CNTN6: variants seen among roughly 807,000 people sequenced by gnomAD.
The protein encoded by CNTN6 is contactin 6, also known as contactin-6.
Under a neutral mutation model 122.8 loss-of-function variants are expected in CNTN6, and 137 were observed. The observed-to-expected ratio is 1.12, with a 90% CI of 0.97 to 1.29. The LOEUF (loss-of-function observed/expected upper bound fraction) is 1.29. Ranked by LOEUF, CNTN6 falls within the 50% of genes most tolerant of loss-of-function variation. The pLI is 0.00. For missense variants in CNTN6, 1,634 were observed against 1,223.4 expected (o/e 1.34, Z -5.01); for synonymous variants, 570 against 426.0 (o/e 1.34, Z -4.16).
At chr3:1,324,082 A>G (rs185968186) in intron 8 of CNTN6, among the ~76,000 whole-genome samples, 14 of 149,764 alleles carry the variant, frequency 9.3e-5, no homozygotes, top group Middle Eastern at 3.4e-3. Flanking sequence ...ACATGATTCA[A>G]TTTCACCAAT....
chr3:1,318,777 G>T (rs770877798), intron 7 of CNTN6, among the ~76,000 whole-genome samples: 1 of 151,616 alleles, frequency 6.6e-6, no homozygotes, highest in East Asian at 1.9e-4. Context: ...TGCTCCTGGG[G>T]GTATGTAAAT....
chr3:1,331,382 G>C (rs1009070079), intron 11 of CNTN6, among the ~76,000 whole-genome samples: 1 of 151,924 alleles, frequency 6.6e-6, no homozygotes, highest in Non-Finnish European at 1.5e-5. Context: ...AGCGTTACCA[G>C]CTTTACAGAA....
intron 2 of CNTN6, among the ~76,000 whole-genome samples, chr3:1,194,207 G>C (rs2093743109): frequency 1.3e-5 from 2 of 151,964 alleles, no homozygotes; most frequent in Non-Finnish European, 2.9e-5. Context: ...CCCCAAGAAT[G>C]TTTAAAGGGA....
intron 7 of CNTN6, among the ~76,000 whole-genome samples, chr3:1,306,444 C>T (rs1280548922): frequency 6.6e-6 from 1 of 152,076 alleles, no homozygotes; most frequent in African/African-American, 2.4e-5. Flanking sequence ...ACATTAAACC[C>T]ACTACACTCT....
intron 20 of CNTN6, among the ~76,000 whole-genome samples, chr3:1,387,333 T>A (rs956730579): frequency 1.3e-5 from 2 of 151,662 alleles, no homozygotes; most frequent in Admixed American, 6.6e-5. Context: ...ACAATGAAGT[T>A]CTATTCCTTT....
intron 1 of CNTN6, among the ~76,000 whole-genome samples, chr3:1,117,160 C>G (rs1358776967): frequency 6.6e-6 from 1 of 152,068 alleles, no homozygotes; most frequent in Non-Finnish European, 1.5e-5. Flanking sequence ...CTTTGTTGTT[C>G]TCAGGTTTAT....
At chr3:1,154,512 T>C (rs914762509) in intron 2 of CNTN6, among the ~76,000 whole-genome samples, 11 of 150,730 alleles carry the variant, frequency 7.3e-5, no homozygotes, top group African/African-American at 2.7e-4. Context: ...GGCACAATCT[T>C]GGCTCACTGC....
intron 3 of CNTN6, among the ~76,000 whole-genome samples, chr3:1,224,975 C>T (rs1243868531): frequency 1.3e-5 from 2 of 152,018 alleles, no homozygotes; most frequent in East Asian, 1.9e-4. Context: ...CTTGAACTCC[C>T]GACCTCAGGT....
intron 1 of CNTN6, among the ~76,000 whole-genome samples, chr3:1,104,922 A>G (rs2091145814): frequency 6.6e-6 from 1 of 152,138 alleles, no homozygotes; most frequent in Non-Finnish European, 1.5e-5. Flanking sequence ...TACTCAAACC[A>G]ATAACCTATT....
intron 20 of CNTN6, among the ~76,000 whole-genome samples, chr3:1,390,652 T>C (rs1199589721): frequency 1.3e-5 from 2 of 151,996 alleles, no homozygotes; most frequent in Non-Finnish European, 2.9e-5. Context: ...ACAAAATTGA[T>C]AGACCGCTAG....
intron 1 of CNTN6, among the ~76,000 whole-genome samples, chr3:1,109,206 T>C (rs1349955943): frequency 6.6e-6 from 1 of 152,068 alleles, no homozygotes; most frequent in African/African-American, 2.4e-5. Context: ...CTAAGGGGAT[T>C]CAAGGGACTT....
chr3:1,127,868 G>GTA (rs1285444940), intron 1 of CNTN6, among the ~76,000 whole-genome samples: 2 of 151,790 alleles, frequency 1.3e-5, no homozygotes, highest in Non-Finnish European at 2.9e-5. Flanking sequence ...TTGTGTGTGT[G>GTA]TATATATACA....
At chr3:1,108,175 A>G (rs189525665) in intron 1 of CNTN6, among the ~76,000 whole-genome samples, 2 of 152,210 alleles carry the variant, frequency 1.3e-5, no homozygotes, top group African/African-American at 4.8e-5. Context: ...AATAAAATAT[A>G]GAGACAATGA....
chr3:1,333,579 A>G (rs770039885), intron 11 of CNTN6, among the ~76,000 whole-genome samples: 1 of 152,118 alleles, frequency 6.6e-6, no homozygotes, highest in African/African-American at 2.4e-5. Context: ...GAGGAAATGT[A>G]CATTTTTAGT....
intron 1 of CNTN6, chr3:1,128,457 A>G (rs190832642): frequency 3.9e-5 from 6 of 151,992 alleles, no homozygotes; most frequent in African/African-American, 7.2e-5. Flanking sequence ...ACCTAGTCCA[A>G]CTGCCTCCCC....
chr3:1,347,584 C>A (rs1230197768), intron 11 of CNTN6, among the ~76,000 whole-genome samples: 1 of 151,974 alleles, frequency 6.6e-6, no homozygotes, highest in Admixed American at 6.6e-5. Flanking sequence ...TGAGTCCAGC[C>A]ATAGGCAAGA....
At position 1,401,456 on chromosome 3, in the gene CNTN6, A is replaced by C; in HGVS notation, c.2728A>C (p.Ile910Leu). ...AGCTCCAAGCCAACCACCAGCAAAC[A>C]TTGCCTGGAAGCTGACAAACTCTAA... ...KSPPSQPPAN[I>L]AWKLTNSKLC... is the part of the protein sequence containing the mutation. Residue 910 changes from isoleucine to leucine, a missense_variant, in exon 21 of 23, where the codon ATT becomes CTT. Physicochemically the swap from Ile to Leu is conservative, Grantham distance 5 (BLOSUM62 2). Transcript: ENST00000446702. 6.2e-7 allele frequency: 1 copy of C among 1,611,988 alleles called. No homozygotes were observed. Among genetic ancestry groups the C allele is most frequent in the African/African-American group, 1.3e-5 (1 of 74,936 alleles).
At chr3:1,334,729 A>G (rs1387255779) in intron 11 of CNTN6, among the ~76,000 whole-genome samples, 1 of 152,102 alleles carries the variant, frequency 6.6e-6, no homozygotes, top group East Asian at 1.9e-4. Context: ...ACCGAGCACC[A>G]TTCTTTAATT....
intron 7 of CNTN6, among the ~76,000 whole-genome samples, chr3:1,314,223 T>A (rs1217151037): frequency 6.6e-6 from 1 of 152,146 alleles, no homozygotes; most frequent in Non-Finnish European, 1.5e-5. Context: ...GCTCTTTGTA[T>A]GAATATTTCA....
Sources: gnomAD v4.1 joint callset for allele counts (sites outside exome capture counted in the v4.1 genomes callset) on GRCh38, gnomAD v4.1.1 for gene constraint, MANE v1.5 for transcripts, NCBI Gene and HGNC (gene_info 2026-07-23, HGNC 2026-07-21) for gene names.